Variants in CRY1 observed in about 807,000 individuals in gnomAD.
CRY1 encodes cryptochrome-1.
CRY1 carries 45 observed loss-of-function variants against 76.0 expected under a neutral mutation model. The ratio of observed to expected loss-of-function variants is 0.59; its 90% CI spans 0.47 to 0.76. The LOEUF (loss-of-function observed/expected upper bound fraction) is 0.76. Among genes scored for constraint, CRY1 ranks in the 30% least tolerant of loss-of-function variants. The pLI is 0.00. For missense variants in CRY1, 587 were observed against 716.4 expected (o/e 0.82, Z 2.06); for synonymous variants, 248 against 244.0 (o/e 1.02, Z -0.15).
intron 1 of CRY1, among the ~76,000 whole-genome samples, chr12:107,083,677 T>C (rs1387981198): frequency 6.6e-6 from 1 of 152,162 alleles, no homozygotes; most frequent in Non-Finnish European, 1.5e-5. Flanking sequence ...AACTAGGTAT[T>C]GATGGAACGT....
intron 1 of CRY1, among the ~76,000 whole-genome samples, chr12:107,084,120 C>G (rs916910615): frequency 1.3e-5 from 2 of 152,148 alleles, no homozygotes; most frequent in Admixed American, 1.3e-4. Context: ...ATCCAACTTA[C>G]AAGGGATGTG....
intron 2 of CRY1, 72 bp downstream of exon 2, chr12:107,022,012 A>C: frequency 8.3e-7 from 1 of 1,201,274 alleles, no homozygotes; most frequent in Non-Finnish European, 1.2e-6. Flanking sequence ...CAATTAGTCA[A>C]AAAACTTTAT....
At chr12:107,081,549 G>A (rs1953325283) in intron 1 of CRY1, among the ~76,000 whole-genome samples, 1 of 151,942 alleles carries the variant, frequency 6.6e-6, no homozygotes, top group African/African-American at 2.4e-5. Flanking sequence ...CTGGAATAGG[G>A]CAGCAACTTT....
intron 2 of CRY1, among the ~76,000 whole-genome samples, chr12:107,006,064 G>A (rs1197878995): frequency 6.6e-6 from 1 of 152,018 alleles, no homozygotes; most frequent in Non-Finnish European, 1.5e-5. Flanking sequence ...GATTAGACAA[G>A]GGCTATTCCA....
chr12:107,021,623 T>C (rs1369077697), intron 2 of CRY1, among the ~76,000 whole-genome samples: 4 of 152,140 alleles, frequency 2.6e-5, no homozygotes, highest in African/African-American at 9.7e-5. Context: ...GAATGGTGTG[T>C]ATAGTGTGTC....
rs146992423 is a variant in CRY1, at chr12:107,092,923, G to C, written c.39C>G (p.Leu13=). 4.4e-6 allele frequency: 7 copies of C among 1,603,454 alleles called. No individual in the cohort carries two copies. Among genetic ancestry groups the C allele is most frequent in the Non-Finnish European group, 6.0e-6 (7 of 1,175,936 alleles). The change falls in exon 1 of 13, where the codon CTC becomes CTG. Residue 13 remains leucine, a synonymous_variant. Transcript: ENST00000008527. The stretch of plus-strand genomic sequence containing the variant: ...TCAGGGCGGGGTTGTCGTGGAGCCG[G>C]AGCCCCTTTCGGAACCAGTGCACGG... ...VNAVHWFRKG[L]RLHDNPALKE... is the part of the protein sequence containing the mutation.
rs185014776 is a variant in CRY1, at chr12:106,992,507, A to G, written c.*280T>C. ...TAGTTACATAGTAAGGAAATAAAAA[A>G]GTTGTCTTTTTCTAAGAAAAAACTT... On this transcript the variant is annotated intron_variant, in intron 12 of 12. Transcript: ENST00000008527. The G allele has an allele frequency of 8.2e-4, 217 of 264,160 alleles. 3 individuals carry two copies. In the East Asian group the frequency reaches 0.013, roughly 16 times the overall value. 16.4% of individuals were successfully genotyped at this position (264,160 alleles called of 1,614,324 possible). A position where few individuals can be genotyped will look rare whatever the true frequency, so the allele number is the denominator to read the frequency against.
chr12:107,035,916 T>C (rs1281904361), intron 1 of CRY1, among the ~76,000 whole-genome samples: 1 of 152,196 alleles, frequency 6.6e-6, no homozygotes, highest in Non-Finnish European at 1.5e-5. Context: ...TTGGTCAGAA[T>C]AGAACAGGGT....
Position 106,997,473 on chromosome 12 carries a change from C to T in CRY1, c.1492+15G>A. On this transcript the variant is annotated intron_variant, in intron 9 of 12. Coordinates refer to ENST00000008527, the MANE Select transcript of CRY1 (RefSeq NM_004075.5). ...TAAACAGCTGCCAAAGAAACAAAGA[C>T]AGTTCTTAACATACCTAGTCCTCTA... 3.1e-6 allele frequency: 5 copies of T among 1,612,924 alleles called. No homozygotes were observed. Among genetic ancestry groups the T allele is most frequent in the Non-Finnish European group, 4.2e-6 (5 of 1,179,464 alleles).
Position 107,036,137 on chromosome 12 carries a change from T to C in CRY1, c.159-13945A>G, listed in dbSNP as rs541356382. Among the ~76,000 whole-genome samples the C allele has an allele frequency of 6.9e-4, 105 of 152,334 alleles. No individual in the cohort carries two copies. In the South Asian group the frequency reaches 0.013, roughly 20 times the overall value. Reference sequence around the variant, plus strand: ...ACTGGGAAACATACAGGGCTTTACATTGCCTTCACCAAGTACTTCCTCACA... The same window carrying C: ...ACTGGGAAACATACAGGGCTTTACACTGCCTTCACCAAGTACTTCCTCACA... On this transcript the variant is annotated intron_variant, in intron 1 of 12. Transcript: ENST00000008527.
intron 1 of CRY1, among the ~76,000 whole-genome samples, chr12:107,027,683 C>T (rs1952631356): frequency 6.6e-6 from 1 of 152,050 alleles, no homozygotes; most frequent in Admixed American, 6.5e-5. Context: ...AGTAAGCTTC[C>T]TTATACCACT....
chr12:107,034,349 G>C (rs148794288), intron 1 of CRY1, among the ~76,000 whole-genome samples: 3 of 151,990 alleles, frequency 2.0e-5, no homozygotes, highest in Non-Finnish European at 2.9e-5. Context: ...CCACTTTTCC[G>C]GAAAACTCAT....
intron 1 of CRY1, among the ~76,000 whole-genome samples, chr12:107,054,730 T>C (rs1291278734): frequency 6.6e-6 from 1 of 150,866 alleles, no homozygotes; most frequent in African/African-American, 2.4e-5. Context: ...ATTATAAACA[T>C]AATGAACTGT....
At chr12:107,023,661 T>C (rs1234668544) in intron 1 of CRY1, among the ~76,000 whole-genome samples, 1 of 152,200 alleles carries the variant, frequency 6.6e-6, no homozygotes, top group Non-Finnish European at 1.5e-5. Context: ...AGGTGCTATA[T>C]TTTTATGAGG....
At chr12:107,022,799 A>G (rs1952573085) in intron 1 of CRY1, among the ~76,000 whole-genome samples, 1 of 151,536 alleles carries the variant, frequency 6.6e-6, no homozygotes, top group Non-Finnish European at 1.5e-5. Context: ...ATGCCAAATT[A>G]TGTGGTTATT....
At chr12:107,037,364 T>C (rs1952746166) in intron 1 of CRY1, among the ~76,000 whole-genome samples, 1 of 152,110 alleles carries the variant, frequency 6.6e-6, no homozygotes, top group Non-Finnish European at 1.5e-5. Context: ...AAACCCTGTC[T>C]TTACTGAAAA....
At chr12:107,012,046 CG>C (rs2136834540) in intron 2 of CRY1, among the ~76,000 whole-genome samples, 1 of 152,092 alleles carries the variant, frequency 6.6e-6, no homozygotes, top group South Asian at 2.1e-4. Context: ...AAAATTTAGC[CG>C]GGCATGGTGG....
At chr12:107,025,870 A>C (rs1952602538) in intron 1 of CRY1, among the ~76,000 whole-genome samples, 1 of 151,080 alleles carries the variant, frequency 6.6e-6, no homozygotes. Flanking sequence ...TTTCTCTCAC[A>C]CCAAACCAAA....
chr12:107,007,525 T>G (rs1952388283), intron 2 of CRY1, among the ~76,000 whole-genome samples: 1 of 151,848 alleles, frequency 6.6e-6, no homozygotes. Context: ...GGAACTCTTT[T>G]TCTTCTTTTT....
Sources: allele counts gnomAD v4.1 joint callset (sites outside exome capture counted in the v4.1 genomes callset), GRCh38; gene constraint gnomAD v4.1.1; transcripts MANE v1.5; gene names NCBI Gene and HGNC (gene_info 2026-07-23, HGNC 2026-07-21).